CNTNAP4: variants seen among roughly 807,000 people sequenced by gnomAD.
CNTNAP4 encodes contactin-associated protein-like 4.
Under a neutral mutation model 148.4 loss-of-function variants are expected in CNTNAP4, and 98 were observed. That is an observed-to-expected ratio of 0.66 (90% CI 0.56 to 0.78). The LOEUF (loss-of-function observed/expected upper bound fraction) is 0.78, where lower values mean the gene tolerates loss of function less well. CNTNAP4 is among the 30% of genes least tolerant of loss of function. The pLI is 0.00. For missense variants in CNTNAP4, 1,935 were observed against 1,565.6 expected, an observed-to-expected ratio of 1.24 and a Z score of -3.98; for synonymous variants, 730 against 565.1, an observed-to-expected ratio of 1.29 and a Z score of -4.14.
At chr16:76,452,220 T>C (rs906473368) in intron 7 of CNTNAP4, among the ~76,000 whole-genome samples, 4 of 152,212 alleles carry the variant, frequency 2.6e-5, no homozygotes, top group Non-Finnish European at 5.9e-5. Flanking sequence ...TAGAGCCAAA[T>C]GTTTTCGTTT....
rs2083945714 is a variant in CNTNAP4, at chr16:76,530,782, G to A, written c.2756-4763G>A. 1.3e-5 allele frequency among the ~76,000 whole-genome samples: 2 copies of A among 152,132 alleles called. 1 individual carries two copies. Among genetic ancestry groups the A allele is most frequent in the Admixed American group, 1.3e-4 (2 of 15,268 alleles). On this transcript the variant is annotated intron_variant, in intron 17 of 23. Coordinates refer to ENST00000611870, the MANE Select transcript of CNTNAP4 (RefSeq NM_033401.5). ...CCTTTCCAGGACTTTGCTTAATGAA[G>A]AACATTGCGTGACAAACTTAGAGCT... is the stretch of plus-strand genomic sequence containing the variant.
chr16:76,527,809 A>G (rs1008448931), intron 17 of CNTNAP4, among the ~76,000 whole-genome samples: 1 of 152,170 alleles, frequency 6.6e-6, no homozygotes, highest in Non-Finnish European at 1.5e-5. Context: ...CCTTTTTACT[A>G]CCTCTGTGTT....
intron 8 of CNTNAP4, among the ~76,000 whole-genome samples, chr16:76,455,331 C>G (rs951691051): frequency 2.0e-5 from 3 of 152,174 alleles, no homozygotes; most frequent in Non-Finnish European, 4.4e-5. Flanking sequence ...ATAACCATGC[C>G]TCTTGTCCCC....
intron 3 of CNTNAP4, among the ~76,000 whole-genome samples, chr16:76,356,684 G>A (rs184840598): frequency 6.6e-6 from 1 of 152,292 alleles, no homozygotes; most frequent in Admixed American, 6.5e-5. Context: ...TAGAGAAAAT[G>A]GGTTACTTAA....
intron 4 of CNTNAP4, among the ~76,000 whole-genome samples, chr16:76,443,917 C>G (rs1210432593): frequency 6.6e-6 from 1 of 152,080 alleles, no homozygotes. Flanking sequence ...ATGTTGCTTT[C>G]TTGGTCATTG....
At chr16:76,430,561 G>A (rs1191989819) in intron 4 of CNTNAP4, among the ~76,000 whole-genome samples, 1 of 152,154 alleles carries the variant, frequency 6.6e-6, no homozygotes, top group Non-Finnish European at 1.5e-5. Flanking sequence ...GGAGTGGGTA[G>A]GGTTTCTTTA....
chr16:76,393,992 T>G (rs936324128), intron 3 of CNTNAP4, among the ~76,000 whole-genome samples: 1 of 152,228 alleles, frequency 6.6e-6, no homozygotes, highest in Non-Finnish European at 1.5e-5. Flanking sequence ...TCCCTGCTGG[T>G]TTTTCCTTTG....
chr16:76,364,907 T>C (rs1425681831), intron 3 of CNTNAP4, among the ~76,000 whole-genome samples: 1 of 152,220 alleles, frequency 6.6e-6, no homozygotes, highest in Admixed American at 6.5e-5. Context: ...TTTTGGTTTT[T>C]GTTGTCATTG....
chr16:76,286,174 A>AGT (rs57003243), intron 1 of CNTNAP4, among the ~76,000 whole-genome samples: 24,671 of 134,756 alleles, frequency 0.18, 2,222 homozygotes, highest in Middle Eastern at 0.2. Context: ...TAGAATTATC[A>AGT]GTGTGTGTGT....
chr16:76,363,849 G>A (rs1029903003), intron 3 of CNTNAP4, among the ~76,000 whole-genome samples: 1 of 152,090 alleles, frequency 6.6e-6, no homozygotes, highest in African/African-American at 2.4e-5. Flanking sequence ...CGGTGGCTCT[G>A]TTTCATCTCT....
At chr16:76,522,333 CT>C in intron 17 of CNTNAP4, 76 bp downstream of exon 17, 2 of 1,174,976 alleles carry the variant, frequency 1.7e-6, no homozygotes, top group Non-Finnish European at 2.5e-6. Flanking sequence ...ATAATACCAA[CT>C]ATAGAAACAA....
At chr16:76,377,727 C>T (rs978929063) in intron 3 of CNTNAP4, among the ~76,000 whole-genome samples, 4 of 152,116 alleles carry the variant, frequency 2.6e-5, no homozygotes, top group Non-Finnish European at 5.9e-5. Flanking sequence ...TTCTCTCCCT[C>T]ATTTTTTTCT....
At chr16:76,542,851 A>G (rs2084524072) in intron 21 of CNTNAP4, among the ~76,000 whole-genome samples, 1 of 152,206 alleles carries the variant, frequency 6.6e-6, no homozygotes, top group African/African-American at 2.4e-5. Flanking sequence ...TACTATGTCA[A>G]GATGTCAAGA....
intron 14 of CNTNAP4, 43 bp from the exon 15 acceptor site, chr16:76,498,524 A>G (rs1277704546): frequency 1.3e-6 from 2 of 1,580,160 alleles, no homozygotes; most frequent in Non-Finnish European, 8.6e-7. Flanking sequence ...AATAAGGACT[A>G]TTAAAAGTTC....
chr16:76,462,832 G>C (rs914544699), intron 9 of CNTNAP4, among the ~76,000 whole-genome samples: 1 of 152,134 alleles, frequency 6.6e-6, no homozygotes, highest in Non-Finnish European at 1.5e-5. Flanking sequence ...ATCATGTTGA[G>C]GTGTTGCTTA....
intron 12 of CNTNAP4, among the ~76,000 whole-genome samples, chr16:76,487,244 GTGT>G (rs2082059773): frequency 6.6e-6 from 1 of 152,194 alleles, no homozygotes; most frequent in Non-Finnish European, 1.5e-5. Flanking sequence ...TCTAGACAAT[GTGT>G]TGTTTTTATT....
chr16:76,393,117 C>T (rs1348737090), intron 3 of CNTNAP4, among the ~76,000 whole-genome samples: 2 of 152,208 alleles, frequency 1.3e-5, no homozygotes, highest in Admixed American at 6.5e-5. Flanking sequence ...CCACCAAATT[C>T]ACCAACTACA....
rs746585517 is a variant in CNTNAP4 at position 76,535,749 on chromosome 16, C to T, written c.2960C>T (p.Thr987Ile). The T allele has an allele frequency of 6.2e-7, 1 of 1,613,892 alleles. No individual in the cohort carries two copies. The highest frequency in any genetic ancestry group is 2.2e-5 in the East Asian group (1 of 44,876). Residue 987 changes from threonine to isoleucine, a missense_variant, in exon 18 of 24, where the codon ACT (threonine) becomes ATT (isoleucine). Thr to Ile is a moderately conservative substitution (Grantham distance 89, BLOSUM62 -1). Coordinates refer to ENST00000611870, the MANE Select transcript of CNTNAP4 (RefSeq NM_033401.5). ...CCCATTGGGTTCTTTTGTGACTGCA[C>T]TTTCTCTGCATACACAGGGCCATTC... ...ERPIGFFCDCTFSAYTGPFCS... is the reference protein window; with the variant it reads ...ERPIGFFCDCIFSAYTGPFCS...
intron 4 of CNTNAP4, among the ~76,000 whole-genome samples, chr16:76,433,800 G>T (rs937522164): frequency 3.9e-5 from 6 of 152,102 alleles, no homozygotes; most frequent in Admixed American, 3.9e-4. Context: ...AAAAGCTGGA[G>T]TAAGGTGAAT....
Sources: gnomAD v4.1 joint callset for allele counts (sites outside exome capture counted in the v4.1 genomes callset) on GRCh38, gnomAD v4.1.1 for gene constraint, MANE v1.5 for transcripts, NCBI Gene and HGNC (gene_info 2026-07-23, HGNC 2026-07-21) for gene names.